Variants in LRCH2 observed in about 807,000 individuals in gnomAD.
LRCH2 encodes leucine-rich repeat and calponin homology domain-containing protein 2.
In LRCH2, 38 loss-of-function variants were observed where a neutral mutation model predicts 68.9. The observed-to-expected ratio is 0.55, with a 90% CI of 0.43 to 0.72. The LOEUF is 0.72. LRCH2 is among the 30% of genes least tolerant of loss of function. LRCH2 has a pLI of 0.00. For synonymous variants in LRCH2, 191 were observed against 208.1 expected (o/e 0.92, Z 0.71); for missense variants, 528 against 572.9 (o/e 0.92, Z 0.80).
chrX:115,128,705 C>T (rs782559540), intron 15 of LRCH2, among the ~76,000 whole-genome samples: 20 of 112,197 alleles, frequency 1.8e-4, no homozygotes, highest in Non-Finnish European at 1.9e-5. Flanking sequence ...GCTTTACTTA[C>T]AATCCCATAC....
intron 1 of LRCH2, chrX:115,191,865 G>A (rs1556560324): frequency 2.6e-6 from 3 of 1,156,261 alleles, no homozygotes; most frequent in Non-Finnish European, 3.5e-6. Flanking sequence ...GTTCCAGCCG[G>A]AACGACCCCT....
intron 1 of LRCH2, chrX:115,192,738 G>A (rs1418801751): frequency 6.6e-6 from 6 of 914,149 alleles, no homozygotes; most frequent in Non-Finnish European, 7.6e-6. Flanking sequence ...GTATAAGTAG[G>A]AGTTGTTTTT....
chrX:115,164,577 G>A (rs2072543537), intron 10 of LRCH2, among the ~76,000 whole-genome samples: 1 of 111,538 alleles, frequency 9.0e-6, no homozygotes, highest in Non-Finnish European at 1.9e-5. Context: ...TTTGGAGGAA[G>A]CATAATGTAG....
At chrX:115,115,901 C>T (rs1196135581) in intron 20 of LRCH2, among the ~76,000 whole-genome samples, 1 of 110,162 alleles carries the variant, frequency 9.1e-6, no homozygotes, top group Admixed American at 9.7e-5. Context: ...TTTCAATAGA[C>T]ATTACTCCAA....
At chrX:115,193,459 A>G (rs782265863) in intron 1 of LRCH2, among the ~76,000 whole-genome samples, 1 of 111,363 alleles carries the variant, frequency 9.0e-6, no homozygotes, top group African/African-American at 3.3e-5. Context: ...TGAGTTGCTC[A>G]AGCCAGAAAC....
In LRCH2 at chrX:115,151,411, GAC is replaced by G. The variant is rs782717502; in HGVS notation, c.1530-1343_1530-1342del. On this transcript the variant is annotated intron_variant, in intron 12 of 20. Transcript: ENST00000317135. The stretch of plus-strand genomic sequence containing the variant: ...AAGAAAGAATAAAAAAGGGGGAGGA[GAC>G]ACAGTGAGAAAAAGGTGGGGGAGGA... Among the ~76,000 whole-genome samples the G allele has an allele frequency of 1.7e-3, 188 of 110,808 alleles. 1 individual carries two copies. Among genetic ancestry groups the G allele is most frequent in the East Asian group, 0.013 (44 of 3,518 alleles).
chrX:115,225,083 G>T (rs1417429607), intron 1 of LRCH2, among the ~76,000 whole-genome samples: 1 of 112,165 alleles, frequency 8.9e-6, no homozygotes, highest in Non-Finnish European at 1.9e-5. Flanking sequence ...TGGAATGGGG[G>T]TCTTAAGACC....
intron 16 of LRCH2, among the ~76,000 whole-genome samples, chrX:115,125,574 CACACACACAT>C (rs2072187729): frequency 4.7e-5 from 1 of 21,292 alleles, no homozygotes; most frequent in Non-Finnish European, 7.4e-5. Context: ...TATATATATA[CACACACACAT>C]ATATATATAC....
At chrX:115,123,312 C>T in intron 17 of LRCH2, 120 bp from the exon 18 acceptor site, 1 of 476,654 alleles carries the variant, frequency 2.1e-6, no homozygotes, top group Non-Finnish European at 3.5e-6. Context: ...CTCACTAATA[C>T]ATTCCAAATA....
chrX:115,151,080 GTAA>G (rs781799746), intron 12 of LRCH2, among the ~76,000 whole-genome samples: 127 of 111,135 alleles, frequency 1.1e-3, no homozygotes, highest in Admixed American at 2.8e-3. Context: ...GAAATGAACT[GTAA>G]TAATAATTTT....
chrX:115,190,540 A>T, intron 1 of LRCH2: 1 of 1,159,488 alleles, frequency 8.6e-7, no homozygotes, highest in Non-Finnish European at 1.1e-6. Flanking sequence ...CAAAGCCTAT[A>T]GTGGGGGCCG....
intron 3 of LRCH2, among the ~76,000 whole-genome samples, chrX:115,180,745 T>C (rs2072685469): frequency 9.0e-6 from 1 of 111,531 alleles, no homozygotes; most frequent in South Asian, 3.7e-4. Context: ...ATTAGGAAAA[T>C]ATATCCTACA....
Position 115,190,871 on chromosome X carries a change from G to A in LRCH2, c.350-2501C>T, listed in dbSNP as rs782325047. Reference sequence around the variant, plus strand: ...GGCCGTTATGAGGAGTACCAAGGCCGCTCGCTGGATGCCAACAGTGGAGGC... The same window carrying A: ...GGCCGTTATGAGGAGTACCAAGGCCACTCGCTGGATGCCAACAGTGGAGGC... On this transcript the variant is annotated intron_variant, in intron 1 of 20. Coordinates refer to ENST00000317135, the MANE Select transcript of LRCH2 (RefSeq NM_020871.4). 127 of 1,153,056 alleles carry A rather than the reference G, an allele frequency of 1.1e-4. 2 individuals carry two copies. The highest frequency in any genetic ancestry group is 4.5e-4 in the South Asian group (23 of 51,472).
intron 1 of LRCH2, among the ~76,000 whole-genome samples, chrX:115,206,531 G>A (rs1356866232): frequency 3.6e-5 from 4 of 112,361 alleles, no homozygotes; most frequent in Admixed American, 9.4e-5. Flanking sequence ...TGCTCCTATC[G>A]CAGGTAACTA....
At chrX:115,136,039 G>C (rs1556531878) in intron 14 of LRCH2, among the ~76,000 whole-genome samples, 1 of 111,773 alleles carries the variant, frequency 8.9e-6, no homozygotes, top group African/African-American at 3.3e-5. Flanking sequence ...TTATTGAATA[G>C]ATATTTGCTT....
chrX:115,190,431 G>A, intron 1 of LRCH2: 1 of 1,166,106 alleles, frequency 8.6e-7, no homozygotes, highest in Non-Finnish European at 1.1e-6. Context: ...GCCGCTACGA[G>A]GAGTACCAGG....
intron 14 of LRCH2, among the ~76,000 whole-genome samples, chrX:115,144,158 CTGCCACCATGTAAGACG>C (rs1302822387): frequency 9.0e-6 from 1 of 111,471 alleles, no homozygotes; most frequent in Non-Finnish European, 1.9e-5. Flanking sequence ...CTTCTCTTGT[CTGCCACCATGTAAGACG>C]TGCCTTTCAC....
intron 5 of LRCH2, among the ~76,000 whole-genome samples, chrX:115,172,213 A>G (rs2072609944): frequency 9.0e-6 from 1 of 111,469 alleles, no homozygotes; most frequent in Admixed American, 9.6e-5. Flanking sequence ...TCACATAAAC[A>G]TACTTCTCTC....
intron 20 of LRCH2, among the ~76,000 whole-genome samples, chrX:115,114,875 A>T (rs909020606): frequency 9.0e-6 from 1 of 110,780 alleles, no homozygotes; most frequent in Non-Finnish European, 1.9e-5. Context: ...AGAATACAAG[A>T]TCAATAAAAG....
Sources: gnomAD v4.1 joint callset for allele counts (sites outside exome capture counted in the v4.1 genomes callset) on GRCh38, gnomAD v4.1.1 for gene constraint, MANE v1.5 for transcripts, NCBI Gene and HGNC (gene_info 2026-07-23, HGNC 2026-07-21) for gene names.